Variants in NIBAN2 observed in about 807,000 individuals in gnomAD.
NIBAN2 encodes the protein protein Niban 2.
Under a neutral mutation model 81.8 loss-of-function variants are expected in NIBAN2, and 36 were observed. The observed-to-expected ratio is 0.44, with a 90% CI of 0.34 to 0.58. The LOEUF (loss-of-function observed/expected upper bound fraction) is 0.58. NIBAN2 is among the 20% of genes least tolerant of loss of function. The pLI, the probability that NIBAN2 is intolerant of heterozygous loss-of-function variation, is 0.02. For missense variants in NIBAN2, 897 were observed against 1,014.1 expected (o/e 0.88, Z 1.57); for synonymous variants, 445 against 441.6 (o/e 1.01, Z -0.10).
chr9:127,505,622 C>G lies in NIBAN2; in HGVS notation c.*1223G>C, dbSNP rs1257328518. ...TGGGAGGGGACCCCACCTCGGGGAC[C>G]CAAAAGGAGTCCATTTCTGCCCTGC... is the stretch of plus-strand genomic sequence containing the variant. On this transcript the variant is annotated 3_prime_UTR_variant, in exon 14 of 14. Coordinates refer to ENST00000373312, the MANE Select transcript of NIBAN2 (RefSeq NM_022833.4). The G allele has an allele frequency of 6.6e-6, 1 of 152,354 alleles. No homozygotes were observed. Among genetic ancestry groups the G allele is most frequent in the Non-Finnish European group, 1.5e-5 (1 of 68,082 alleles). The allele number at this position is 152,354 out of a possible 1,614,324, so 9.4% of individuals were successfully genotyped here.
At chr9:127,544,901 C>A (rs1837443226) in intron 1 of NIBAN2, among the ~76,000 whole-genome samples, 1 of 152,232 alleles carries the variant, frequency 6.6e-6, no homozygotes, top group South Asian at 2.1e-4. Context: ...GCCACTGGAC[C>A]TGGGAAGGGA....
chr9:127,511,007 T>C (rs2132155577), intron 8 of NIBAN2, among the ~76,000 whole-genome samples: 1 of 152,166 alleles, frequency 6.6e-6, no homozygotes, highest in South Asian at 2.1e-4. Context: ...AAAAGTAATT[T>C]TTCAGCCCTC....
In NIBAN2 at chr9:127,507,874, G is replaced by A; in HGVS notation, c.1647C>T (p.Ile549=). ...EVVLQTVMKD[I]LQAVKEAAVQ... ...CCCCGGGACGGCACCCACCCTGCAG[G>A]ATGTCCTTCATGACGGTCTGCAGCA... Residue 549 remains isoleucine, a synonymous_variant, in exon 13 of 14, where the codon ATC becomes ATT. Coordinates refer to ENST00000373312, the MANE Select transcript of NIBAN2 (RefSeq NM_022833.4). The surrounding 1 kb of genome is among the most constrained non-coding windows in gnomAD (Gnocchi z 6.8). The A allele has an allele frequency of 6.2e-7, 1 of 1,614,032 alleles. No individual in the cohort carries two copies. The highest frequency in any genetic ancestry group is 8.5e-7 in the Non-Finnish European group (1 of 1,179,928).
chr9:127,507,352 C>A lies in NIBAN2; in HGVS notation c.1734G>T (p.Leu578=). The A allele has an allele frequency of 4.5e-6, 7 of 1,544,210 alleles. No homozygotes were observed. The highest frequency in any genetic ancestry group is 6.1e-6 in the Non-Finnish European group (7 of 1,143,098). ...TGGGGGCGCCCTCGGCCAGCAGGTG[C>A]AGGTTGGGGTCGCTGTTGTGCATGA... ...SMVMHNSDPN[L]HLLAEGAPID... Residue 578 remains leucine, a synonymous_variant, in exon 14 of 14, where the codon CTG becomes CTT. Coordinates refer to ENST00000373312, the MANE Select transcript of NIBAN2 (RefSeq NM_022833.4). The surrounding 1 kb of genome is among the most constrained non-coding windows in gnomAD (Gnocchi z 6.8).
At chr9:127,538,224 G>C (rs893442993) in intron 1 of NIBAN2, among the ~76,000 whole-genome samples, 2 of 152,064 alleles carry the variant, frequency 1.3e-5, no homozygotes, top group Non-Finnish European at 2.9e-5. Flanking sequence ...GCATCCTATC[G>C]GGTTATTGAG....
rs1414383657 is a variant in NIBAN2, at chr9:127,559,128, G to A, written c.55+9692C>T. On this transcript the variant is annotated intron_variant, in intron 1 of 13. Transcript: ENST00000373312. The surrounding 1 kb of genome is among the most constrained non-coding windows in gnomAD (Gnocchi z 4.0). ...CAAAGATCCACGGGCTTTGTAACAT[G>A]AGCCACAGCACATCCAGCTTGATGG... is the stretch of plus-strand genomic sequence containing the variant. Among the ~76,000 whole-genome samples, 1 of 152,200 alleles carries A rather than the reference G, an allele frequency of 6.6e-6. No homozygotes were observed. The highest frequency in any genetic ancestry group is 1.5e-5 in the Non-Finnish European group (1 of 68,042).
At chr9:127,542,917 G>T (rs1837407542) in intron 1 of NIBAN2, among the ~76,000 whole-genome samples, 1 of 152,196 alleles carries the variant, frequency 6.6e-6, no homozygotes, top group African/African-American at 2.4e-5. Flanking sequence ...AGAGATGGGG[G>T]TTTCACCATG....
chr9:127,523,676 C>G lies in NIBAN2; in HGVS notation c.589+3G>C. 1 of 1,607,150 alleles carries G rather than the reference C, an allele frequency of 6.2e-7. No individual in the cohort carries two copies. Among genetic ancestry groups the G allele is most frequent in the East Asian group, 2.2e-5 (1 of 44,658 alleles). The stretch of plus-strand genomic sequence containing the variant: ...ACCGACCCTGCACCCACAGGCCACT[C>G]ACCATTGTTGCAGTGCCGGATGCAG... On this transcript the variant is annotated splice_donor_region_variant and intron_variant, in intron 5 of 13. Transcript: ENST00000373312.
chr9:127,566,225 ATT>A (rs1491499417), intron 1 of NIBAN2, among the ~76,000 whole-genome samples: 6 of 151,948 alleles, frequency 3.9e-5, no homozygotes, highest in Admixed American at 3.9e-4. Context: ...AAAATTTGGG[ATT>A]GTTAGGCCCT....
chr9:127,578,986 C>T lies in NIBAN2; in HGVS notation c.-49G>A, dbSNP rs746630324. ...GGAAGGGACCGGAACTGGCCCAGTT[C>T]CTGACTCCTAGCACGTCCTTGAGAG... On this transcript the variant is annotated 5_prime_UTR_variant, in exon 1 of 14. Transcript: ENST00000373314. 1.7e-5 allele frequency: 27 copies of T among 1,558,200 alleles called. No individual in the cohort carries two copies. The African/African-American group carries it at 3.7e-4, about 21-fold the overall frequency.
At chr9:127,524,838 A>G (rs1837029988) in intron 4 of NIBAN2, 1 of 520,716 alleles carries the variant, frequency 1.9e-6, no homozygotes, top group African/African-American at 1.9e-5. Context: ...GTGCTGACCC[A>G]CAGGTTTACG....
At chr9:127,546,565 C>A (rs1041607582) in intron 1 of NIBAN2, among the ~76,000 whole-genome samples, 10 of 152,310 alleles carry the variant, frequency 6.6e-5, no homozygotes, top group African/African-American at 1.9e-4. Context: ...GTCAACCACT[C>A]AGCCCCGCCC....
intron 5 of NIBAN2, among the ~76,000 whole-genome samples, chr9:127,520,840 C>T (rs994495037): frequency 3.3e-5 from 5 of 151,946 alleles, no homozygotes; most frequent in African/African-American, 1.2e-4. Flanking sequence ...GCCGAGATTG[C>T]GCCACTGCAC....
At chr9:127,515,258 C>T (rs1373966440) in intron 8 of NIBAN2, among the ~76,000 whole-genome samples, 4 of 152,102 alleles carry the variant, frequency 2.6e-5, no homozygotes, top group Non-Finnish European at 5.9e-5. Flanking sequence ...CGGTGGCTCA[C>T]GCCTATAATC....
In NIBAN2 at chr9:127,531,693, C is replaced by T. The variant is rs1837185403; in HGVS notation, c.141G>A (p.Glu47=). 1 of 1,614,100 alleles carries T rather than the reference C, an allele frequency of 6.2e-7. No individual in the cohort carries two copies. Among genetic ancestry groups the T allele is most frequent in the African/African-American group, 1.3e-5 (1 of 75,064 alleles). The change falls in exon 2 of 14, where the codon GAG becomes GAA. Residue 47 remains glutamate (E), a synonymous_variant. Coordinates refer to ENST00000373312, the MANE Select transcript of NIBAN2 (RefSeq NM_022833.4). The stretch of plus-strand genomic sequence containing the variant: ...CCTGCGGCAGCCCCGTGCCCTCAAT[C>T]TCATGGCGCATGCTGTTGAAGAGAG... The part of the protein sequence containing the change: ...GVALFNSMRH[E]IEGTGLPQAQ...
At chr9:127,533,770 G>A (rs576641736) in intron 1 of NIBAN2, among the ~76,000 whole-genome samples, 1 of 152,382 alleles carries the variant, frequency 6.6e-6, no homozygotes, top group African/African-American at 2.4e-5. Flanking sequence ...GGGGAGTACA[G>A]AGTGAACTTC....
intron 8 of NIBAN2, among the ~76,000 whole-genome samples, chr9:127,516,102 G>A (rs1168823024): frequency 6.6e-6 from 1 of 151,814 alleles, no homozygotes; most frequent in African/African-American, 2.4e-5. Context: ...CAGCCTGGGC[G>A]ACAGAGTGAA....
At chr9:127,558,091 G>A (rs1837706814) in intron 1 of NIBAN2, among the ~76,000 whole-genome samples, 1 of 152,160 alleles carries the variant, frequency 6.6e-6, no homozygotes, top group Admixed American at 6.5e-5. Flanking sequence ...ATAGGAGTGG[G>A]GGTGGGAGGG....
intron 1 of NIBAN2, among the ~76,000 whole-genome samples, chr9:127,552,608 A>G (rs969116692): frequency 6.6e-6 from 1 of 152,108 alleles, no homozygotes; most frequent in African/African-American, 2.4e-5. Context: ...AAAAATAGAA[A>G]AAGCCTAACT....
Sources: gnomAD v4.1 joint callset for allele counts (sites outside exome capture counted in the v4.1 genomes callset) on GRCh38, gnomAD v4.1.1 for gene constraint, Gnocchi (gnomAD v3.1) non-coding constraint, MANE v1.5 for transcripts, NCBI Gene and HGNC (gene_info 2026-07-23, HGNC 2026-07-21) for gene names.